The following LCP2 variants were observed in gnomAD, a reference collection of about 807,000 sequenced individuals.
LCP2 encodes 76 kDa tyrosine phosphoprotein.
In LCP2, 29 loss-of-function variants were observed where a neutral mutation model predicts 74.5. That is an observed-to-expected ratio of 0.39 (90% CI 0.29 to 0.53). The LOEUF is 0.53. Ranked by LOEUF, LCP2 falls within the 20% of genes least tolerant of loss-of-function variation. The pLI is 0.72. For synonymous variants in LCP2, 228 were observed against 229.5 expected (o/e 0.99, Z 0.06); for missense variants, 604 against 634.6 (o/e 0.95, Z 0.52).
chr5:170,250,661 G>A (rs1056097594), intron 20 of LCP2, 69 bp downstream of exon 20: 15 of 1,206,960 alleles, frequency 1.2e-5, no homozygotes, highest in South Asian at 3.6e-5. Context: ...CTCAAAGATC[G>A]CTCCATGAAG....
rs374430495 is a variant in LCP2 at position 170,297,658 on chromosome 5, A to C, written c.-47T>G. 1,002 of 1,511,638 alleles carry C rather than the reference A, an allele frequency of 6.6e-4. 3 individuals carry two copies. Among genetic ancestry groups the C allele is most frequent in the South Asian group, 3.7e-3 (312 of 83,666 alleles). The allele number at this position is 1,511,638 out of a possible 1,614,324, so 93.6% of individuals were successfully genotyped here. A position where few individuals can be genotyped will look rare whatever the true frequency, so the allele number is the denominator to read the frequency against. On this transcript the variant is annotated 5_prime_UTR_variant, in exon 1 of 21. Transcript: ENST00000046794. ...CTCACAAGCTGAGCATGGGCGCTTCACCCATGGGCAGAGAAGCTCAAATCC... is the reference window on the plus strand; with the variant it reads ...CTCACAAGCTGAGCATGGGCGCTTCCCCCATGGGCAGAGAAGCTCAAATCC...
chr5:170,283,258 C>A (rs1293103260), intron 3 of LCP2, among the ~76,000 whole-genome samples: 2 of 152,130 alleles, frequency 1.3e-5, no homozygotes, highest in Non-Finnish European at 2.9e-5. Context: ...AAGAAAGATC[C>A]CACCCCAGCC....
chr5:170,262,980 G>C lies in LCP2; in HGVS notation c.785C>G (p.Pro262Arg), dbSNP rs374441441. 4 of 1,613,838 alleles carry C rather than the reference G, an allele frequency of 2.5e-6. No homozygotes were observed. In the African/African-American group the frequency reaches 5.3e-5, roughly 22 times the overall value. ...REPFTLGKKP[P>R]FSDKPSIPAG... is the part of the protein sequence containing the mutation. ...TTCACAGCTTACCTTGTCAGAAAAT[G>C]GTGGTTTCTTTCCTGTAAATGACAG... The change falls in exon 11 of 21, where the codon CCA becomes CGA. Residue 262 changes from proline to arginine, a missense_variant. Coordinates refer to ENST00000046794, the MANE Select transcript of LCP2 (RefSeq NM_005565.5).
intron 10 of LCP2, among the ~76,000 whole-genome samples, chr5:170,263,226 G>A (rs1180305441): frequency 2.0e-5 from 3 of 152,164 alleles, no homozygotes; most frequent in Admixed American, 2.0e-4. Context: ...ACAGCTTTGT[G>A]TACATACAAG....
At chr5:170,259,750 C>CA (rs2113161991) in intron 14 of LCP2, among the ~76,000 whole-genome samples, 2 of 152,286 alleles carry the variant, frequency 1.3e-5, no homozygotes, top group South Asian at 4.1e-4. Context: ...AGGCCACAGT[C>CA]AAAATCATTC....
intron 6 of LCP2, among the ~76,000 whole-genome samples, chr5:170,273,415 T>C (rs1342719195): frequency 6.6e-6 from 1 of 152,244 alleles, no homozygotes; most frequent in Non-Finnish European, 1.5e-5. Context: ...TTTTTTTGTT[T>C]TTTTTCCAAT....
intron 6 of LCP2, chr5:170,274,000 C>A (rs549329601): frequency 1.6e-4 from 70 of 426,682 alleles, no homozygotes; most frequent in African/African-American, 1.4e-3. Flanking sequence ...GTGCAGCCTA[C>A]CCTCTGTGTT....
At position 170,253,104 on chromosome 5, in the gene LCP2, A is replaced by G; in HGVS notation, c.1245+15T>C. The G allele has an allele frequency of 6.4e-7, 1 of 1,564,884 alleles. No individual in the cohort carries two copies. ...GAAAAGGCAAACAAACAAAAATAAAAACATGCTCTCTTACCTCTTCCTCCG... is the reference window on the plus strand; with the variant it reads ...GAAAAGGCAAACAAACAAAAATAAAGACATGCTCTCTTACCTCTTCCTCCG... On this transcript the variant is annotated intron_variant, in intron 18 of 20. Coordinates refer to ENST00000046794, the MANE Select transcript of LCP2 (RefSeq NM_005565.5).
intron 14 of LCP2, among the ~76,000 whole-genome samples, 199 bp downstream of exon 14, chr5:170,260,908 A>C (rs2113163783): frequency 6.6e-6 from 1 of 151,698 alleles, no homozygotes; most frequent in Middle Eastern, 3.4e-3. Context: ...ACATGAGCTA[A>C]ACAACACAGC....
intron 5 of LCP2, 140 bp from the exon 6 acceptor site, chr5:170,274,478 G>T (rs1761951161): frequency 1.2e-6 from 1 of 838,692 alleles, no homozygotes; most frequent in Admixed American, 2.2e-5. Flanking sequence ...ACCCCTGCAG[G>T]TTTAGCCACT....
At position 170,272,597 on chromosome 5, in the gene LCP2, CTTTTTTTTTTTTTTTTTTT is replaced by C. The variant is rs61463939; in HGVS notation, c.324+1685_325-1681del. 8.2e-4 allele frequency among the ~76,000 whole-genome samples: 33 copies of C among 40,342 alleles called. 1 individual carries two copies. Among genetic ancestry groups the C allele is most frequent in the South Asian group, 1.4e-3 (1 of 702 alleles). 26.5% of individuals were successfully genotyped at this position (40,342 alleles called of 152,430 possible). A position where few individuals can be genotyped will look rare whatever the true frequency, so the allele number is the denominator to read the frequency against. On this transcript the variant is annotated intron_variant, in intron 6 of 20. Coordinates refer to ENST00000046794, the MANE Select transcript of LCP2 (RefSeq NM_005565.5). ...ATAACTGTAACCCATCAAATATTTTCTTTTTTTTTTTTTTTTTTTTTTTTTTTTTTTGAGATGGAGTCTC... is the reference window on the plus strand; with the variant it reads ...ATAACTGTAACCCATCAAATATTTTCTTTTTTTTTTTTGAGATGGAGTCTC...
rs1468503914 is a variant in LCP2, at chr5:170,277,263, T to C, written c.189-1403A>G. Among the ~76,000 whole-genome samples the C allele has an allele frequency of 2.6e-5, 4 of 152,218 alleles. No homozygotes were observed. In the East Asian group the frequency reaches 7.7e-4, roughly 29 times the overall value. ...CTGCTGCAAGCTCTCTGGAGGCAGA[T>C]ACTGTTGAGTCCCTGGCCTGCCTAT... On this transcript the variant is annotated intron_variant, in intron 3 of 20. Transcript: ENST00000046794.
intron 2 of LCP2, among the ~76,000 whole-genome samples, chr5:170,290,928 G>A (rs1762276483): frequency 7.4e-6 from 1 of 135,198 alleles, no homozygotes; most frequent in African/African-American, 2.8e-5. Flanking sequence ...AGAAAGAAGA[G>A]AGAGAAAGAA....
chr5:170,296,609 T>A (rs1762390077), intron 1 of LCP2, among the ~76,000 whole-genome samples: 1 of 152,228 alleles, frequency 6.6e-6, no homozygotes, highest in Admixed American at 6.5e-5. Context: ...TGTTAGAAGC[T>A]TAACCGTCTC....
At chr5:170,286,403 C>A (rs1165847950) in intron 3 of LCP2, among the ~76,000 whole-genome samples, 1 of 152,206 alleles carries the variant, frequency 6.6e-6, no homozygotes, top group Non-Finnish European at 1.5e-5. Flanking sequence ...ACTAGCCCAC[C>A]AGCCACCAAT....
intron 17 of LCP2, among the ~76,000 whole-genome samples, chr5:170,255,153 G>A (rs920271269): frequency 6.6e-6 from 1 of 152,232 alleles, no homozygotes; most frequent in African/African-American, 2.4e-5. Flanking sequence ...GAATTTTGGG[G>A]ATTGTGGAAA....
intron 6 of LCP2, 35 bp downstream of exon 6, chr5:170,274,266 T>C (rs1402368512): frequency 1.2e-6 from 2 of 1,609,284 alleles, no homozygotes; most frequent in East Asian, 2.2e-5. Context: ...TGGACACTGC[T>C]GTAAAGGTGC....
chr5:170,292,752 A>C (rs767774965), intron 2 of LCP2, among the ~76,000 whole-genome samples: 4 of 152,192 alleles, frequency 2.6e-5, no homozygotes, highest in Non-Finnish European at 5.9e-5. Context: ...TGTCTCCACC[A>C]TTAGAGCTGC....
intron 7 of LCP2, 32 bp downstream of exon 7, chr5:170,270,687 T>C: frequency 6.5e-7 from 1 of 1,531,240 alleles, no homozygotes; most frequent in South Asian, 1.3e-5. Flanking sequence ...TTTGGGCTGC[T>C]CGGGCCAGAA....
Sources: allele counts gnomAD v4.1 joint callset (sites outside exome capture counted in the v4.1 genomes callset), GRCh38; gene constraint gnomAD v4.1.1; transcripts MANE v1.5; gene names NCBI Gene and HGNC (gene_info 2026-07-23, HGNC 2026-07-21).